VWA8: variants seen among roughly 807,000 people sequenced by gnomAD.
VWA8 encodes von Willebrand factor A domain-containing protein 8.
In VWA8, 221 loss-of-function variants were observed where a neutral mutation model predicts 241.5. The observed-to-expected ratio is 0.91, with a 90% confidence interval of 0.82 to 1.02. VWA8 has a LOEUF of 1.02. Ranked by LOEUF, VWA8 falls within the 50% of genes least tolerant of loss-of-function variation. VWA8 has a pLI of 0.00. For missense variants in VWA8, 2,322 were observed against 2,328.7 expected (o/e 1.00, Z 0.06); for synonymous variants, 852 against 827.1 (o/e 1.03, Z -0.52).
intron 14 of VWA8, among the ~76,000 whole-genome samples, chr13:41,827,984 T>C (rs926652709): frequency 5.3e-5 from 8 of 152,208 alleles, no homozygotes; most frequent in Non-Finnish European, 1.2e-4. Flanking sequence ...AAATATAAAC[T>C]GTTCCATGAC....
chr13:41,882,370 G>A, intron 9 of VWA8, among the ~76,000 whole-genome samples: 1 of 152,048 alleles, frequency 6.6e-6, no homozygotes. Flanking sequence ...CGGGCGGCCA[G>A]GCAGAGACGC....
intron 5 of VWA8, among the ~76,000 whole-genome samples, chr13:41,888,846 G>T (rs2138081798): frequency 6.6e-6 from 1 of 152,064 alleles, no homozygotes; most frequent in Middle Eastern, 3.4e-3. Context: ...ATCATATTTT[G>T]GTATGAATCA....
intron 37 of VWA8, among the ~76,000 whole-genome samples, chr13:41,625,609 T>C (rs1461038908): frequency 3.3e-5 from 5 of 152,100 alleles, no homozygotes; most frequent in African/African-American, 4.8e-5. Flanking sequence ...TGTGGAGAAA[T>C]AGGAACACTT....
chr13:41,739,360 C>T (rs1376649850), intron 21 of VWA8, among the ~76,000 whole-genome samples: 1 of 152,164 alleles, frequency 6.6e-6, no homozygotes, highest in Non-Finnish European at 1.5e-5. Flanking sequence ...CCAGGGGAGT[C>T]ACGCTCTCTA....
intron 35 of VWA8, among the ~76,000 whole-genome samples, chr13:41,679,280 G>T (rs556325304): frequency 3.6e-4 from 55 of 152,242 alleles, no homozygotes; most frequent in African/African-American, 1.3e-3. Flanking sequence ...TTAGAAGGAG[G>T]TATTAAAAAC....
intron 21 of VWA8, among the ~76,000 whole-genome samples, chr13:41,754,347 T>G (rs913728713): frequency 2.0e-5 from 3 of 152,128 alleles, no homozygotes. Context: ...ATGTGAGACA[T>G]GCTGTTTGCC....
At chr13:41,757,254 T>A (rs948182309) in intron 21 of VWA8, among the ~76,000 whole-genome samples, 1 of 151,692 alleles carries the variant, frequency 6.6e-6, no homozygotes, top group African/African-American at 2.4e-5. Context: ...TCTTCCTATA[T>A]CTCCTATAAT....
rs1873420629 is a variant in VWA8 at position 41,868,497 on chromosome 13, T to G, written c.1081-20A>C. On this transcript the variant is annotated intron_variant, in intron 9 of 44. Transcript: ENST00000379310. The stretch of plus-strand genomic sequence containing the variant: ...AAAGCGCTGTAAAATTACAAGAAAA[T>G]CATGCAATTTACTTTTCATTTTAGC... 1.0e-5 allele frequency: 16 copies of G among 1,604,958 alleles called. No individual in the cohort carries two copies. The highest frequency in any genetic ancestry group is 1.7e-5 in the Admixed American group (1 of 58,484).
chr13:41,709,546 C>T (rs1407538590), intron 26 of VWA8, among the ~76,000 whole-genome samples: 1 of 152,168 alleles, frequency 6.6e-6, no homozygotes, highest in Non-Finnish European at 1.5e-5. Flanking sequence ...TCATTTAACC[C>T]TGAGTTAGTT....
intron 40 of VWA8, among the ~76,000 whole-genome samples, chr13:41,593,590 C>A (rs2139649338): frequency 6.6e-6 from 1 of 152,326 alleles, no homozygotes; most frequent in East Asian, 1.9e-4. Context: ...CTTATCTCTT[C>A]TTTCCTAACA....
chr13:41,621,025 A>G (rs1203132113), intron 37 of VWA8, among the ~76,000 whole-genome samples: 1 of 152,158 alleles, frequency 6.6e-6, no homozygotes, highest in African/African-American at 2.4e-5. Context: ...AACCAGGTAC[A>G]ATTATATAAT....
chr13:41,889,326 A>G lies in VWA8; in HGVS notation c.652-1965T>C, dbSNP rs117377559. 4.7e-4 allele frequency among the ~76,000 whole-genome samples: 71 copies of G among 152,192 alleles called. 1 individual carries two copies. Among genetic ancestry groups the G allele is most frequent in the Non-Finnish European group, 1.5e-4 (10 of 68,002 alleles). ...TTTATACTGATATTTACTTTGGGAGAAAAATGTAGTAGACCCTTCTCACTT... is the reference window on the plus strand; with the variant it reads ...TTTATACTGATATTTACTTTGGGAGGAAAATGTAGTAGACCCTTCTCACTT... On this transcript the variant is annotated intron_variant, in intron 5 of 44. Transcript: ENST00000379310.
intron 12 of VWA8, among the ~76,000 whole-genome samples, chr13:41,859,983 A>T (rs536772587): frequency 1.3e-5 from 2 of 152,308 alleles, no homozygotes; most frequent in Non-Finnish European, 2.9e-5. Flanking sequence ...ATCAATGTGC[A>T]CTATATTATT....
In VWA8 at chr13:41,603,844, T is replaced by C. The variant is rs1163435049; in HGVS notation, c.4986+1324A>G. 2.6e-5 allele frequency among the ~76,000 whole-genome samples: 4 copies of C among 152,190 alleles called. No homozygotes were observed. In the South Asian group the frequency reaches 6.2e-4, roughly 24 times the overall value. ...AGCACATGGGAAATTCCTTAGCATCTTTCAAGAGTAAATTCAAACATTACA... is the reference window on the plus strand; with the variant it reads ...AGCACATGGGAAATTCCTTAGCATCCTTCAAGAGTAAATTCAAACATTACA... On this transcript the variant is annotated intron_variant, in intron 40 of 44. Coordinates refer to ENST00000379310, the MANE Select transcript of VWA8 (RefSeq NM_015058.2).
intron 17 of VWA8, among the ~76,000 whole-genome samples, chr13:41,788,467 T>C (rs1208790525): frequency 6.6e-6 from 1 of 152,176 alleles, no homozygotes; most frequent in African/African-American, 2.4e-5. Flanking sequence ...CCAGTCCATA[T>C]ATCTGACATT....
At chr13:41,959,707 T>C (rs543337360) in intron 1 of VWA8, among the ~76,000 whole-genome samples, 15 of 146,894 alleles carry the variant, frequency 1.0e-4, no homozygotes, top group African/African-American at 3.2e-4. Flanking sequence ...GTTCACGCCA[T>C]TCTTCTGCCT....
In VWA8 at chr13:41,755,511, A is replaced by G. The variant is rs138211326; in HGVS notation, c.2426+5617T>C. Among the ~76,000 whole-genome samples, 375 of 152,046 alleles carry G rather than the reference A, an allele frequency of 2.5e-3. 2 individuals carry two copies. Among genetic ancestry groups the G allele is most frequent in the African/African-American group, 8.7e-3 (361 of 41,530 alleles). ...GCTTTGAAATTTTTATTATATTTTC[A>G]GTTTAGTAATTTTTTTCATAGATAA... On this transcript the variant is annotated intron_variant, in intron 21 of 44. Transcript: ENST00000379310.
intron 21 of VWA8, among the ~76,000 whole-genome samples, chr13:41,758,380 ATATATATATATACGCTAG>A (rs55878665): frequency 0.17 from 4,487 of 26,246 alleles, 603 homozygotes; most frequent in South Asian, 0.37. Flanking sequence ...ATATATATAT[ATATATATATATACGCTAG>A]TATATATATA....
At chr13:41,927,481 G>A (rs1046919740) in intron 2 of VWA8, 3 of 209,718 alleles carry the variant, frequency 1.4e-5, no homozygotes, top group East Asian at 1.3e-4. Flanking sequence ...TCAGAAGAGA[G>A]ACAAGGAATT....
Sources: allele counts gnomAD v4.1 joint callset (sites outside exome capture counted in the v4.1 genomes callset), GRCh38; gene constraint gnomAD v4.1.1; transcripts MANE v1.5; gene names NCBI Gene and HGNC (gene_info 2026-07-23, HGNC 2026-07-21).